Variants in DGCR2 observed in about 807,000 individuals in gnomAD.
DGCR2 encodes the protein DiGeorge syndrome critical region gene 2, also known as integral membrane protein DGCR2/IDD.
DGCR2 carries 24 observed loss-of-function variants against 51.6 expected under a neutral mutation model. The ratio of observed to expected loss-of-function variants is 0.47; its 90% CI spans 0.34 to 0.65. DGCR2 has a LOEUF of 0.65. Among genes scored for constraint, DGCR2 ranks in the 30% least tolerant of loss-of-function variants. The pLI, the probability that DGCR2 is intolerant of heterozygous loss-of-function variation, is 0.01. For missense variants in DGCR2, 765 were observed against 772.1 expected, an observed-to-expected ratio of 0.99 and a Z score of 0.11; for synonymous variants, 340 against 315.4, an observed-to-expected ratio of 1.08 and a Z score of -0.82.
intron 1 of DGCR2, among the ~76,000 whole-genome samples, chr22:19,103,108 C>T (rs968483804): frequency 2.0e-5 from 3 of 151,968 alleles, no homozygotes; most frequent in East Asian, 3.9e-4. Context: ...GGATGAACTG[C>T]GAAAACATAA....
At chr22:19,053,196 G>A (rs574373327) in intron 6 of DGCR2, among the ~76,000 whole-genome samples, 1 of 152,330 alleles carries the variant, frequency 6.6e-6, no homozygotes, top group African/African-American at 2.4e-5. Context: ...AGCTGCAGGA[G>A]GGTCAGAAGC....
chr22:19,061,494 T>C (rs1455312762), intron 5 of DGCR2: 1 of 152,186 alleles, frequency 6.6e-6, no homozygotes, highest in South Asian at 2.1e-4. Flanking sequence ...AAAATGAATC[T>C]TCCACAAGTC....
At chr22:19,098,526 T>C (rs545647141) in intron 1 of DGCR2, among the ~76,000 whole-genome samples, 4 of 152,314 alleles carry the variant, frequency 2.6e-5, no homozygotes, top group South Asian at 4.1e-4. Flanking sequence ...CAGTGGCCAG[T>C]TGCAGGTATA....
chr22:19,097,049 A>G (rs1463640363), intron 1 of DGCR2, among the ~76,000 whole-genome samples: 7 of 152,126 alleles, frequency 4.6e-5, no homozygotes, highest in Non-Finnish European at 8.8e-5. Context: ...GTAAGAAGTA[A>G]TAAGTAACAA....
At chr22:19,109,248 T>G (rs961000606) in intron 1 of DGCR2, among the ~76,000 whole-genome samples, 10 of 152,218 alleles carry the variant, frequency 6.6e-5, no homozygotes, top group African/African-American at 2.4e-4. Flanking sequence ...CCTTAAAAAA[T>G]TAAAAATAGA....
Position 19,038,741 on chromosome 22 carries a change from G to T in DGCR2, c.*124C>A. ...GGTCTCTATGTACACACGCGAGCCC[G>T]CCAGTGACGTGCGGCAGTGCGTGGC... On this transcript the variant is annotated 3_prime_UTR_variant, in exon 10 of 10. Transcript: ENST00000263196. 1 of 1,348,136 alleles carries T rather than the reference G, an allele frequency of 7.4e-7. No individual in the cohort carries two copies. The highest frequency in any genetic ancestry group is 1.0e-6 in the Non-Finnish European group (1 of 980,186). The allele number at this position is 1,348,136 out of a possible 1,614,324, so 83.5% of individuals were successfully genotyped here. A position where few individuals can be genotyped will look rare whatever the true frequency, so the allele number is the denominator to read the frequency against.
chr22:19,074,113 C>T (rs922417036), intron 2 of DGCR2, among the ~76,000 whole-genome samples: 3 of 152,254 alleles, frequency 2.0e-5, no homozygotes, highest in Admixed American at 1.3e-4. Flanking sequence ...AATTGGAAAA[C>T]GGCTTGGCAA....
intron 2 of DGCR2, among the ~76,000 whole-genome samples, chr22:19,070,964 G>A (rs934522920): frequency 3.9e-5 from 6 of 152,222 alleles, no homozygotes; most frequent in South Asian, 2.1e-4. Flanking sequence ...TGGGGAATGC[G>A]CATAGCACAG....
At chr22:19,100,162 C>G (rs1321301038) in intron 1 of DGCR2, among the ~76,000 whole-genome samples, 1 of 151,978 alleles carries the variant, frequency 6.6e-6, no homozygotes, top group African/African-American at 2.4e-5. Flanking sequence ...CCCAGCTACT[C>G]GGAAGGCTGA....
chr22:19,081,065 A>G (rs2082930739), intron 2 of DGCR2, among the ~76,000 whole-genome samples: 1 of 152,208 alleles, frequency 6.6e-6, no homozygotes, highest in Non-Finnish European at 1.5e-5. Context: ...AAGCAGGCCC[A>G]TGGTTGCAGC....
intron 1 of DGCR2, among the ~76,000 whole-genome samples, chr22:19,095,710 T>C (rs1372900713): frequency 6.7e-6 from 1 of 149,378 alleles, no homozygotes; most frequent in Non-Finnish European, 1.5e-5. Flanking sequence ...GTATCATTTA[T>C]TATAAGTCAA....
rs1846262101 is a variant in DGCR2 at position 19,038,208 on chromosome 22, G to C, written c.*657C>G. On this transcript the variant is annotated 3_prime_UTR_variant, in exon 10 of 10. Coordinates refer to ENST00000263196, the MANE Select transcript of DGCR2 (RefSeq NM_005137.3). ...AGCCCAGATGGAAAGACACAGTGAAGAGCTCAACCTCCTTCCAAGCTCTCC... is the reference window on the plus strand; with the variant it reads ...AGCCCAGATGGAAAGACACAGTGAACAGCTCAACCTCCTTCCAAGCTCTCC... The C allele has an allele frequency of 6.5e-6, 1 of 152,818 alleles. No individual in the cohort carries two copies. Among genetic ancestry groups the C allele is most frequent in the Non-Finnish European group, 1.5e-5 (1 of 68,478 alleles). The allele number at this position is 152,818 out of a possible 1,614,324, so 9.5% of individuals were successfully genotyped here.
chr22:19,091,718 C>T (rs2083080858), intron 1 of DGCR2, among the ~76,000 whole-genome samples: 1 of 151,186 alleles, frequency 6.6e-6, no homozygotes, highest in Non-Finnish European at 1.5e-5. Flanking sequence ...TCGAGACCAG[C>T]CTGGCCAACA....
At chr22:19,059,067 A>C in intron 5 of DGCR2, among the ~76,000 whole-genome samples, 1 of 152,248 alleles carries the variant, frequency 6.6e-6, no homozygotes, top group East Asian at 1.9e-4. Context: ...TCACAGTGGC[A>C]GCCATGAACA....
chr22:19,104,963 G>A (rs1005749502), intron 1 of DGCR2, among the ~76,000 whole-genome samples: 1 of 152,236 alleles, frequency 6.6e-6, no homozygotes, highest in African/African-American at 2.4e-5. Context: ...CGCATCTCCA[G>A]GAGACCAGAG....
chr22:19,094,916 A>C (rs2083121682), intron 1 of DGCR2, among the ~76,000 whole-genome samples: 1 of 152,376 alleles, frequency 6.6e-6, no homozygotes. Flanking sequence ...ACATTTATAT[A>C]AAAATCTAAA....
At chr22:19,113,473 C>T (rs1055528677) in intron 1 of DGCR2, among the ~76,000 whole-genome samples, 8 of 152,082 alleles carry the variant, frequency 5.3e-5, no homozygotes, top group African/African-American at 1.7e-4. Context: ...AAGATGGAGT[C>T]GCAGCATACT....
Position 19,048,472 on chromosome 22 carries a change from T to A in DGCR2, c.974A>T (p.Lys325Ile), listed in dbSNP as rs745413508. 1 of 1,614,118 alleles carries A rather than the reference T, an allele frequency of 6.2e-7. No homozygotes were observed. The highest frequency in any genetic ancestry group is 8.5e-7 in the Non-Finnish European group (1 of 1,180,024). Residue 325 changes from lysine (K) to isoleucine (I), a missense_variant, in exon 7 of 10, where the codon AAA (lysine) becomes ATA (isoleucine). Lys to Ile is a moderately radical substitution (Grantham distance 102). Around this residue, in one of 3 missense-constraint regions of DGCR2, gnomAD observed 190 missense variants for 265.2 expected, o/e 0.72. Coordinates refer to ENST00000263196, the MANE Select transcript of DGCR2 (RefSeq NM_005137.3). ...QGCQQYRKDP[K>I]ECCKFMCLDP... is the part of the protein sequence containing the mutation. ...CAGACACATGAACTTGCAGCACTCTTTGGGGTCCTTGCGGTACTGTTGGCA... is the reference window on the plus strand; with the variant it reads ...CAGACACATGAACTTGCAGCACTCTATGGGGTCCTTGCGGTACTGTTGGCA...
At chr22:19,088,406 T>A (rs1226792222) in intron 2 of DGCR2, among the ~76,000 whole-genome samples, 2 of 152,208 alleles carry the variant, frequency 1.3e-5, no homozygotes, top group Non-Finnish European at 2.9e-5. Context: ...AAGGCTTGTC[T>A]ATGCAGAAAC....
Sources: allele counts gnomAD v4.1 joint callset (sites outside exome capture counted in the v4.1 genomes callset), GRCh38; gene constraint gnomAD v4.1.1; regional missense constraint gnomAD v4.1.1; transcripts MANE v1.5; gene names NCBI Gene and HGNC (gene_info 2026-07-23, HGNC 2026-07-21).